Variants in GPR149 observed in about 807,000 individuals in gnomAD.
GPR149 encodes G protein-coupled receptor 149.
GPR149 carries 50 observed loss-of-function variants against 50.2 expected under a neutral mutation model. That is an observed-to-expected ratio of 1.00 (90% CI 0.79 to 1.26). The LOEUF (loss-of-function observed/expected upper bound fraction) is 1.26, where lower values mean the gene tolerates loss of function less well. GPR149 is among the 50% of genes most tolerant of loss of function. The probability of loss-of-function intolerance (pLI) is 0.00; values close to 1 mark genes in which losing one functional copy is unlikely to be tolerated. For missense variants in GPR149, 983 were observed against 895.4 expected (o/e 1.10, Z -1.25); for synonymous variants, 405 against 358.2 (o/e 1.13, Z -1.48).
At chr3:154,396,062 G>C (rs1476020865) in intron 3 of GPR149, among the ~76,000 whole-genome samples, 2 of 152,074 alleles carry the variant, frequency 1.3e-5, no homozygotes, top group African/African-American at 4.8e-5. Context: ...GTTCCAAACA[G>C]ATTTTTTTTA....
chr3:154,336,827 A>G lies in GPR149; in HGVS notation c.*872T>C, dbSNP rs1396895638. On this transcript the variant is annotated 3_prime_UTR_variant, in exon 4 of 4. Coordinates refer to ENST00000389740, the MANE Select transcript of GPR149 (RefSeq NM_001038705.3). ...GACTTAGAGGATTTTGCTCTGCTGT[A>G]TCCAGAAGCCTACCATGTTTGGATG... 1.3e-5 allele frequency: 2 copies of G among 152,098 alleles called. No individual in the cohort carries two copies. Among genetic ancestry groups the G allele is most frequent in the Admixed American group, 1.3e-4 (2 of 15,268 alleles). The allele number at this position is 152,098 out of a possible 1,614,324, so 9.4% of individuals were successfully genotyped here. A position where few individuals can be genotyped will look rare whatever the true frequency, so the allele number is the denominator to read the frequency against.
chr3:154,404,836 A>T (rs1328602329), intron 3 of GPR149, among the ~76,000 whole-genome samples: 2 of 149,260 alleles, frequency 1.3e-5, no homozygotes, highest in Non-Finnish European at 3.0e-5. Flanking sequence ...AAACATAGCA[A>T]GTATTCAATA....
At chr3:154,365,253 G>C (rs747428936) in intron 3 of GPR149, among the ~76,000 whole-genome samples, 28 of 152,112 alleles carry the variant, frequency 1.8e-4, no homozygotes, top group Non-Finnish European at 2.8e-4. Context: ...AGGTGACCCT[G>C]GGCAGCAAAC....
In GPR149 at chr3:154,341,616, T is replaced by C. The variant is rs545535348; in HGVS notation, c.1624-3345A>G. On this transcript the variant is annotated intron_variant, in intron 3 of 3. Coordinates refer to ENST00000389740, the MANE Select transcript of GPR149 (RefSeq NM_001038705.3). ...TGAAAAAGTAAGAGAGAAAGAATAA[T>C]GTTTCTGCATGAGAAAACTATTTCG... Among the ~76,000 whole-genome samples the C allele has an allele frequency of 1.5e-4, 23 of 152,072 alleles. No individual in the cohort carries two copies. The East Asian group carries it at 4.3e-3, about 28-fold the overall frequency.
intron 3 of GPR149, among the ~76,000 whole-genome samples, chr3:154,373,698 T>A (rs551011203): frequency 1.1e-4 from 17 of 152,306 alleles, no homozygotes; most frequent in African/African-American, 4.1e-4. Context: ...TTAAATGACT[T>A]AGACAAGAAC....
At chr3:154,386,042 C>T (rs756329897) in intron 3 of GPR149, among the ~76,000 whole-genome samples, 1 of 152,088 alleles carries the variant, frequency 6.6e-6, no homozygotes, top group Admixed American at 6.6e-5. Flanking sequence ...TGACTAATGG[C>T]TTGTGACAAA....
intron 3 of GPR149, among the ~76,000 whole-genome samples, chr3:154,366,472 T>C (rs529486576): frequency 6.6e-6 from 1 of 152,336 alleles, no homozygotes; most frequent in African/African-American, 2.4e-5. Context: ...GCCAGGACTT[T>C]CCCTGATTTA....
chr3:154,367,948 C>T (rs778440820), intron 3 of GPR149, among the ~76,000 whole-genome samples: 7 of 152,118 alleles, frequency 4.6e-5, no homozygotes, highest in African/African-American at 1.2e-4. Flanking sequence ...CACTTAAAGG[C>T]GATTAGCGCG....
chr3:154,418,039 A>C (rs1251729015), intron 3 of GPR149, among the ~76,000 whole-genome samples: 2 of 151,278 alleles, frequency 1.3e-5, no homozygotes, highest in Admixed American at 1.3e-4. Flanking sequence ...GAAGACATTT[A>C]TGCAGCCAAA....
At chr3:154,342,447 C>G (rs936073985) in intron 3 of GPR149, among the ~76,000 whole-genome samples, 7 of 152,136 alleles carry the variant, frequency 4.6e-5, no homozygotes, top group African/African-American at 1.4e-4. Flanking sequence ...CTCTGTTACC[C>G]AGGCTGGAGT....
intron 3 of GPR149, among the ~76,000 whole-genome samples, chr3:154,410,150 A>G (rs1711794673): frequency 6.6e-6 from 1 of 152,144 alleles, no homozygotes; most frequent in Non-Finnish European, 1.5e-5. Flanking sequence ...AAATGAAGGA[A>G]AGACACAGTT....
At chr3:154,414,421 T>A in intron 3 of GPR149, among the ~76,000 whole-genome samples, 1 of 151,980 alleles carries the variant, frequency 6.6e-6, no homozygotes, top group East Asian at 1.9e-4. Context: ...AAAAGAAGAA[T>A]CGTAGAAATA....
In GPR149 at chr3:154,429,230, T is replaced by C; in HGVS notation, c.386A>G (p.Tyr129Cys). Residue 129 changes from tyrosine to cysteine, a missense_variant, in exon 1 of 4, where the codon TAC (tyrosine) becomes TGC (cysteine). By Grantham distance (194) the Tyr-to-Cys change is radical (BLOSUM62 -2). Coordinates refer to ENST00000389740, the MANE Select transcript of GPR149 (RefSeq NM_001038705.3). ...SNLKATLLVS[Y>C]NFYTMHRGVG... ...ACCTCTGTGCATCGTATAAAAGTTG[T>C]AAGAGACTAGGAGAGTCGCCTTCAA... 6.2e-7 allele frequency: 1 copy of C among 1,614,152 alleles called. No individual in the cohort carries two copies. The highest frequency in any genetic ancestry group is 8.5e-7 in the Non-Finnish European group (1 of 1,180,020).
At position 154,427,553 on chromosome 3, in the gene GPR149, C is replaced by T. The variant is rs571855544; in HGVS notation, c.1137G>A (p.Arg379=). ...CGGACGCCACTGCATATGCGTTCTGCCTGCAGTTGATGATGCAGCCACAGG... is the reference window on the plus strand; with the variant it reads ...CGGACGCCACTGCATATGCGTTCTGTCTGCAGTTGATGATGCAGCCACAGG... ...HLPCGCIINC[R]QNAYAVASDG... Residue 379 remains arginine, a synonymous_variant, in exon 2 of 4, where the codon AGG becomes AGA. Coordinates refer to ENST00000389740, the MANE Select transcript of GPR149 (RefSeq NM_001038705.3). 4 of 1,613,680 alleles carry T rather than the reference C, an allele frequency of 2.5e-6. No homozygotes were observed. The East Asian group carries it at 6.7e-5, about 27-fold the overall frequency.
At chr3:154,396,436 T>C (rs111766267) in intron 3 of GPR149, among the ~76,000 whole-genome samples, 2,323 of 152,278 alleles carry the variant, frequency 0.015, 76 homozygotes, top group African/African-American at 0.052. Flanking sequence ...TGTCTGTAGT[T>C]AGATGACTTC....
intron 3 of GPR149, among the ~76,000 whole-genome samples, chr3:154,395,377 G>GAT (rs34735600): frequency 0.64 from 94,960 of 148,072 alleles, 30,721 homozygotes; most frequent in East Asian, 0.8. Flanking sequence ...TTTAAACCTT[G>GAT]ATATATATAT....
chr3:154,376,207 T>A (rs1185138198), intron 3 of GPR149, among the ~76,000 whole-genome samples: 1 of 119,522 alleles, frequency 8.4e-6, no homozygotes, highest in South Asian at 3.2e-4. Context: ...ATTCCTGTTT[T>A]TATCATGTAT....
Position 154,335,138 on chromosome 3 carries a change from A to C in GPR149, c.*2561T>G, listed in dbSNP as rs1485899094. The C allele has an allele frequency of 6.6e-6, 1 of 152,106 alleles. No homozygotes were observed. Among genetic ancestry groups the C allele is most frequent in the African/African-American group, 2.4e-5 (1 of 41,438 alleles). 9.4% of individuals were successfully genotyped at this position (152,106 alleles called of 1,614,324 possible). A position where few individuals can be genotyped will look rare whatever the true frequency, so the allele number is the denominator to read the frequency against. ...ACCACCAGATGGTGATATTTTTATT[A>C]GGTAATAAGTTTTTGCCTTCAGATA... On this transcript the variant is annotated 3_prime_UTR_variant, in exon 4 of 4. Transcript: ENST00000389740.
Position 154,421,204 on chromosome 3 carries a change from G to T in GPR149, c.1458C>A (p.Asn486Lys), listed in dbSNP as rs770527583. 52 of 1,613,356 alleles carry T rather than the reference G, an allele frequency of 3.2e-5. No homozygotes were observed. The highest frequency in any genetic ancestry group is 3.9e-5 in the Non-Finnish European group (46 of 1,179,612). The change falls in exon 3 of 4, where the codon AAC (asparagine) becomes AAA (lysine). Residue 486 changes from asparagine (N) to lysine (K), a missense_variant. Coordinates refer to ENST00000389740, the MANE Select transcript of GPR149 (RefSeq NM_001038705.3). ...TGTCAGAAAACGCATCCTTTTTGTT[G>T]TTGGAATCCTGTTTAGCTTCTGTAA... ...TDITEAKQDS[N>K]NKKDAFSDKT...
Sources: allele counts gnomAD v4.1 joint callset (sites outside exome capture counted in the v4.1 genomes callset), GRCh38; gene constraint gnomAD v4.1.1; transcripts MANE v1.5; gene names NCBI Gene and HGNC (gene_info 2026-07-23, HGNC 2026-07-21).